MTHFD1L: variants seen among roughly 807,000 people sequenced by gnomAD.
MTHFD1L encodes the protein methylenetetrahydrofolate dehydrogenase (NADP+ dependent) 1 like.
In MTHFD1L, 81 loss-of-function variants were observed where a neutral mutation model predicts 119.5. The ratio of observed to expected loss-of-function variants is 0.68; its 90% CI spans 0.57 to 0.82. The LOEUF (loss-of-function observed/expected upper bound fraction) is 0.82. Among genes scored for constraint, MTHFD1L ranks in the 40% least tolerant of loss-of-function variants. The probability of loss-of-function intolerance (pLI) is 0.00; values close to 1 mark genes in which losing one functional copy is unlikely to be tolerated. For synonymous variants in MTHFD1L, 430 were observed against 475.2 expected, an observed-to-expected ratio of 0.90 and a Z score of 1.24; for missense variants, 1,125 against 1,253.4, an observed-to-expected ratio of 0.90 and a Z score of 1.55.
chr6:150,999,030 G>T (rs1780238556), intron 20 of MTHFD1L, among the ~76,000 whole-genome samples: 1 of 145,546 alleles, frequency 6.9e-6, no homozygotes, highest in Admixed American at 6.9e-5. Context: ...TTTAGGCTAT[G>T]TCTATAAGGA....
At chr6:150,905,829 T>A in intron 8 of MTHFD1L, 68 bp downstream of exon 8, 1 of 1,226,882 alleles carries the variant, frequency 8.2e-7, no homozygotes, top group Middle Eastern at 1.9e-4. Flanking sequence ...GTTAACCTTT[T>A]CCTAAGAGGT....
rs1345816528 is a variant in MTHFD1L at position 150,936,958 on chromosome 6, T to A, written c.1393+18T>A. 6.2e-7 allele frequency: 1 copy of A among 1,609,670 alleles called. No individual in the cohort carries two copies. The highest frequency in any genetic ancestry group is 8.5e-7 in the Non-Finnish European group (1 of 1,176,618). Reference sequence around the variant, plus strand: ...AGTGAAAGGTACTGTCTTTAACAACTAGTGTACTTTTCAGGGCAAAGTTGG... The same window carrying A: ...AGTGAAAGGTACTGTCTTTAACAACAAGTGTACTTTTCAGGGCAAAGTTGG... On this transcript the variant is annotated intron_variant, in intron 12 of 27. Transcript: ENST00000367321.
intron 26 of MTHFD1L, among the ~76,000 whole-genome samples, chr6:151,062,583 G>C (rs1584369883): frequency 6.6e-6 from 1 of 152,344 alleles, no homozygotes; most frequent in East Asian, 1.9e-4. Context: ...CCAAGAAAGA[G>C]ATAGATGAAG....
rs574974662 is a variant in MTHFD1L, at chr6:151,048,409, A to G, written c.2847+11292A>G. On this transcript the variant is annotated intron_variant, in intron 26 of 27. Transcript: ENST00000367321. The stretch of plus-strand genomic sequence containing the variant: ...CTCCCCCACTTCCCACCTCCAGAGT[A>G]GAGACTGTGTCTTCAGTTCTCTTGG... 3.5e-4 allele frequency among the ~76,000 whole-genome samples: 53 copies of G among 152,276 alleles called. No individual in the cohort carries two copies. The South Asian group carries it at 0.01, about 29-fold the overall frequency.
rs1584255678 is a variant in MTHFD1L, at chr6:151,037,027, C to T, written c.2757C>T (p.Asp919=). The T allele has an allele frequency of 6.2e-7, 1 of 1,611,954 alleles. No homozygotes were observed. The highest frequency in any genetic ancestry group is 2.2e-5 in the East Asian group (1 of 44,882). The change falls in exon 26 of 28, where the codon GAC becomes GAT. Residue 919 remains aspartate (D), a synonymous_variant. Coordinates refer to ENST00000367321, the MANE Select transcript of MTHFD1L (RefSeq NM_015440.5). ...KTHLSLSHQP[D]KKGVPRDFIL... The stretch of plus-strand genomic sequence containing the variant: ...ACCTTTCTCTATCTCACCAACCTGA[C>T]AAAAAAGGTGTGCCAAGGGACTTCA...
chr6:151,071,386 G>C (rs1584396179), intron 26 of MTHFD1L, among the ~76,000 whole-genome samples: 1 of 152,152 alleles, frequency 6.6e-6, no homozygotes, highest in Non-Finnish European at 1.5e-5. Context: ...TTATTGGCTT[G>C]ATTTCTGTGA....
In MTHFD1L at chr6:150,874,853, C is replaced by T. The variant is rs994729931; in HGVS notation, c.228-1237C>T. ...TCTCGGCTCACTGCAACCTCTGCCT[C>T]CCAGGTTCAAGAGATTCTCCCGAGT... On this transcript the variant is annotated intron_variant, in intron 1 of 27. Coordinates refer to ENST00000367321, the MANE Select transcript of MTHFD1L (RefSeq NM_015440.5). Among the ~76,000 whole-genome samples, 3 of 151,848 alleles carry T rather than the reference C, an allele frequency of 2.0e-5. No homozygotes were observed. In the East Asian group the frequency reaches 5.8e-4, roughly 29 times the overall value.
At chr6:150,901,437 C>T (rs185538352) in intron 7 of MTHFD1L, among the ~76,000 whole-genome samples, 135 of 152,332 alleles carry the variant, frequency 8.9e-4, no homozygotes, top group Non-Finnish European at 1.5e-3. Context: ...ACTGCAGTGC[C>T]ACTGCATTCC....
intron 24 of MTHFD1L, among the ~76,000 whole-genome samples, chr6:151,030,426 AG>A (rs1785171249): frequency 1.3e-5 from 2 of 152,244 alleles, no homozygotes; most frequent in African/African-American, 2.4e-5. Flanking sequence ...TAACAAAGCA[AG>A]GTCCTTGGAC....
chr6:150,915,296 T>A (rs118171537), intron 8 of MTHFD1L, among the ~76,000 whole-genome samples: 1 of 152,124 alleles, frequency 6.6e-6, no homozygotes, highest in Non-Finnish European at 1.5e-5. Context: ...ATAGTGTTAG[T>A]GTATTTTATG....
chr6:151,009,761 C>A, intron 20 of MTHFD1L, 58 bp from the exon 21 acceptor site: 1 of 1,599,592 alleles, frequency 6.3e-7, no homozygotes, highest in South Asian at 1.1e-5. Context: ...TGGTGATTGC[C>A]AAAACCTACC....
intron 16 of MTHFD1L, among the ~76,000 whole-genome samples, chr6:150,950,884 G>A (rs1794764149): frequency 6.6e-6 from 1 of 152,034 alleles, no homozygotes; most frequent in African/African-American, 2.4e-5. Flanking sequence ...GGCCAGGCTG[G>A]TCTGGAACTC....
At chr6:150,947,171 C>T (rs980526524) in intron 15 of MTHFD1L, among the ~76,000 whole-genome samples, 4 of 150,924 alleles carry the variant, frequency 2.7e-5, no homozygotes, top group African/African-American at 4.9e-5. Flanking sequence ...GATCTCGGCT[C>T]GCTGCAACCT....
intron 8 of MTHFD1L, among the ~76,000 whole-genome samples, chr6:150,907,924 T>C (rs923172171): frequency 1.2e-4 from 18 of 145,714 alleles, no homozygotes; most frequent in African/African-American, 1.8e-4. Context: ...GGAGACAGAG[T>C]CTTGCTCTGT....
At chr6:150,991,477 A>G (rs1779051305) in intron 20 of MTHFD1L, among the ~76,000 whole-genome samples, 1 of 152,244 alleles carries the variant, frequency 6.6e-6, no homozygotes, top group South Asian at 2.1e-4. Context: ...CCTGGAGGTA[A>G]TGGAATCATG....
At position 151,014,900 on chromosome 6, in the gene MTHFD1L, C is replaced by T. The variant is rs768508445; in HGVS notation, c.2328C>T (p.Asp776=). The T allele has an allele frequency of 1.7e-5, 28 of 1,613,918 alleles. No individual in the cohort carries two copies. The highest frequency in any genetic ancestry group is 6.7e-5 in the East Asian group (3 of 44,880). The change falls in exon 23 of 28, where the codon GAC becomes GAT. Residue 776 remains aspartate (D), a synonymous_variant. Transcript: ENST00000367321. ...YTEENIQLVA[D]GCCNLQKQIQ... ...TACAGAACATCCAGCTGGTGGCAGA[C>T]GGCTGCTGTAACCTCCAGAAGCAAA...
At chr6:151,071,258 G>C (rs537468495) in intron 26 of MTHFD1L, among the ~76,000 whole-genome samples, 1 of 152,094 alleles carries the variant, frequency 6.6e-6, no homozygotes, top group Non-Finnish European at 1.5e-5. Flanking sequence ...TGAAATTTTG[G>C]TCAAAATTGG....
chr6:151,053,457 T>G (rs1174915022), intron 26 of MTHFD1L, among the ~76,000 whole-genome samples: 1 of 152,156 alleles, frequency 6.6e-6, no homozygotes, highest in South Asian at 2.1e-4. Context: ...ATAGGTCAGG[T>G]CTCCTAGTTG....
In MTHFD1L at chr6:150,913,846, T is replaced by C. The variant is rs867560615; in HGVS notation, c.893-4731T>C. Among the ~76,000 whole-genome samples, 22 of 151,870 alleles carry C rather than the reference T, an allele frequency of 1.4e-4. 1 individual carries two copies. The highest frequency in any genetic ancestry group is 3.4e-3 in the Middle Eastern group (1 of 294). Reference sequence around the variant, plus strand: ...CTGCCTCTACAAAAAATACAAAAATTAAGCCCAGGTGCTGTGGCTCATGCC... The same window carrying C: ...CTGCCTCTACAAAAAATACAAAAATCAAGCCCAGGTGCTGTGGCTCATGCC... On this transcript the variant is annotated intron_variant, in intron 8 of 27. Coordinates refer to ENST00000367321, the MANE Select transcript of MTHFD1L (RefSeq NM_015440.5).
Sources: allele counts gnomAD v4.1 joint callset (sites outside exome capture counted in the v4.1 genomes callset), GRCh38; gene constraint gnomAD v4.1.1; transcripts MANE v1.5; gene names NCBI Gene and HGNC (gene_info 2026-07-23, HGNC 2026-07-21).